PLCZ1: variants seen among roughly 807,000 people sequenced by gnomAD.
PLCZ1 encodes the protein phospholipase C zeta 1.
PLCZ1 carries 64 observed loss-of-function variants against 76.8 expected under a neutral mutation model. That is an observed-to-expected ratio of 0.83 (90% confidence interval 0.68 to 1.03). The LOEUF (loss-of-function observed/expected upper bound fraction) is 1.03, where lower values mean the gene tolerates loss of function less well. PLCZ1 is among the 50% of genes least tolerant of loss of function. The pLI, the probability that PLCZ1 is intolerant of heterozygous loss-of-function variation, is 0.00. For missense variants in PLCZ1, 751 were observed against 713.7 expected (o/e 1.05, Z -0.60); for synonymous variants, 248 against 230.8 (o/e 1.07, Z -0.68).
At chr12:18,708,077 C>T (rs892918658) in intron 6 of PLCZ1, among the ~76,000 whole-genome samples, 4 of 152,128 alleles carry the variant, frequency 2.6e-5, no homozygotes, top group African/African-American at 9.7e-5. Context: ...ACTTTATTAC[C>T]TATAATCCTC....
intron 3 of PLCZ1, among the ~76,000 whole-genome samples, chr12:18,733,261 A>C (rs764566156): frequency 1.3e-5 from 2 of 152,192 alleles, no homozygotes; most frequent in African/African-American, 2.4e-5. Flanking sequence ...CTTTAGGGAA[A>C]TGTCTATACA....
intron 13 of PLCZ1, among the ~76,000 whole-genome samples, chr12:18,687,433 C>T (rs1953327901): frequency 1.3e-5 from 2 of 152,104 alleles, no homozygotes; most frequent in African/African-American, 2.4e-5. Context: ...TGATCCTGAC[C>T]AGGGATCAAT....
the PLCZ1 span, among the ~76,000 whole-genome samples, chr12:18,650,737 T>G: frequency 6.2e-5 from 2 of 32,376 alleles, no homozygotes; most frequent in Admixed American, 4.1e-4. Flanking sequence ...TATATATATA[T>G]ATATATATAT....
At chr12:18,732,013 A>G (rs984764533) in intron 3 of PLCZ1, among the ~76,000 whole-genome samples, 3 of 152,100 alleles carry the variant, frequency 2.0e-5, no homozygotes, top group Non-Finnish European at 4.4e-5. Context: ...CCATTTATTG[A>G]GGTATAATTG....
At chr12:18,646,898 C>T in the PLCZ1 span, among the ~76,000 whole-genome samples, 4 of 151,648 alleles carry the variant, frequency 2.6e-5, no homozygotes, top group Non-Finnish European at 5.9e-5. Context: ...GGACAGCTGA[C>T]CAGATTCCTT....
chr12:18,703,557 A>T (rs1956211741), intron 7 of PLCZ1, among the ~76,000 whole-genome samples: 1 of 152,174 alleles, frequency 6.6e-6, no homozygotes. Context: ...TGACTAAATG[A>T]CCTTAGAGAT....
intron 6 of PLCZ1, among the ~76,000 whole-genome samples, chr12:18,706,265 C>T (rs982441219): frequency 2.0e-5 from 3 of 151,152 alleles, no homozygotes. Flanking sequence ...AAGAAGAAGA[C>T]AGAGCTATCT....
the PLCZ1 span, among the ~76,000 whole-genome samples, chr12:18,663,004 T>C: frequency 2.9e-4 from 44 of 152,210 alleles, no homozygotes; most frequent in African/African-American, 1.0e-3. Context: ...AGTGCCTCCA[T>C]ATCAGAAATT....
At chr12:18,714,473 G>C (rs1957709494) in intron 5 of PLCZ1, among the ~76,000 whole-genome samples, 1 of 152,190 alleles carries the variant, frequency 6.6e-6, no homozygotes, top group Admixed American at 6.5e-5. Context: ...TGTAAGAAGA[G>C]AAGTGGAAGG....
At chr12:18,701,294 A>G (rs1345087280) in intron 9 of PLCZ1, among the ~76,000 whole-genome samples, 4 of 152,072 alleles carry the variant, frequency 2.6e-5, no homozygotes, top group African/African-American at 9.7e-5. Flanking sequence ...CTAGAGAAAA[A>G]AATGTTTAAG....
chr12:18,732,863 T>TTC (rs1959130946), intron 3 of PLCZ1, among the ~76,000 whole-genome samples: 1 of 152,234 alleles, frequency 6.6e-6, no homozygotes, highest in Non-Finnish European at 1.5e-5. Context: ...TCTTTATTCA[T>TTC]TCATAATGGA....
At chr12:18,692,384 A>G (rs1954244000) in intron 12 of PLCZ1, among the ~76,000 whole-genome samples, 1 of 152,220 alleles carries the variant, frequency 6.6e-6, no homozygotes, top group African/African-American at 2.4e-5. Context: ...GAGGTTTTTC[A>G]AAAGATTTAA....
At chr12:18,682,986 A>G (rs964652902), downstream of PLCZ1, among the ~76,000 whole-genome samples, 1 of 152,040 alleles carries the variant, frequency 6.6e-6, no homozygotes, top group Non-Finnish European at 1.5e-5. Context: ...AAGCCAGTTG[A>G]AAACAACTCA....
chr12:18,737,046 A>C (rs550633694), intron 2 of PLCZ1, among the ~76,000 whole-genome samples: 1 of 152,268 alleles, frequency 6.6e-6, no homozygotes, highest in South Asian at 2.1e-4. Context: ...AGATAATGAC[A>C]ATTATCACTA....
rs77118260 is a variant in PLCZ1, at chr12:18,716,441, C to G, written c.569+2990G>C. 7.1e-3 allele frequency among the ~76,000 whole-genome samples: 1,087 copies of G among 152,330 alleles called. 13 individuals carry two copies. The highest frequency in any genetic ancestry group is 0.025 in the African/African-American group (1,056 of 41,564). Reference sequence around the variant, plus strand: ...TGATTATGCAATGTCATGCCAACCACTTACATGTGGAGGCACCCAAGAGAA... The same window carrying G: ...TGATTATGCAATGTCATGCCAACCAGTTACATGTGGAGGCACCCAAGAGAA... On this transcript the variant is annotated intron_variant, in intron 5 of 14. Transcript: ENST00000266505.
In PLCZ1 at chr12:18,736,337, A is replaced by G. The variant is rs138423464; in HGVS notation, c.19T>C (p.Leu7=). 4.3e-4 allele frequency: 686 copies of G among 1,612,002 alleles called. 2 individuals carry two copies. In the African/African-American group the frequency reaches 8.3e-3, roughly 20 times the overall value. MEMRWF[L]SKIQDDFRGG... ...CTGAAGTCATCCTGAATCTTTGACA[A>G]AAACCATGTAGAAGCACAAAAAAGT... Residue 7 remains leucine, a synonymous_variant, in exon 3 of 15, where the codon TTG becomes CTG. Transcript: ENST00000266505.
At chr12:18,647,113 A>G in the PLCZ1 span, among the ~76,000 whole-genome samples, 18,009 of 152,028 alleles carry the variant, frequency 0.12, 1,362 homozygotes, top group African/African-American at 0.21. Context: ...TTTATTTAAT[A>G]AGCATGTATT....
rs117006466 is a variant in PLCZ1 at position 18,688,537 on chromosome 12, G to A, written c.1462-319C>T. The stretch of plus-strand genomic sequence containing the variant: ...ATTCAGGTCGAGTTACTCTGATAAC[G>A]TACTGTTTTTGAATTCATATATATA... On this transcript the variant is annotated intron_variant, in intron 12 of 14. Coordinates refer to ENST00000266505, the MANE Select transcript of PLCZ1 (RefSeq NM_033123.4). Among the ~76,000 whole-genome samples, 972 of 150,906 alleles carry A rather than the reference G, an allele frequency of 6.4e-3. 3 individuals are homozygous for A. Among genetic ancestry groups the A allele is most frequent in the Middle Eastern group, 0.01 (3 of 290 alleles).
chr12:18,734,920 G>A (rs1245604030), intron 3 of PLCZ1, among the ~76,000 whole-genome samples: 3 of 152,108 alleles, frequency 2.0e-5, no homozygotes, highest in African/African-American at 4.8e-5. Context: ...GGACTTTAAT[G>A]TGTTAAGTTC....
Sources: allele counts gnomAD v4.1 joint callset (sites outside exome capture counted in the v4.1 genomes callset), GRCh38; gene constraint gnomAD v4.1.1; transcripts MANE v1.5; gene names NCBI Gene and HGNC (gene_info 2026-07-23, HGNC 2026-07-21).